Variants in NR3C2 observed in about 807,000 individuals in gnomAD.
NR3C2 encodes the protein mineralocorticoid receptor.
In NR3C2, 15 loss-of-function variants were observed where a neutral mutation model predicts 86.4. That is an observed-to-expected ratio of 0.17 (90% confidence interval 0.12 to 0.27). The LOEUF (loss-of-function observed/expected upper bound fraction) is 0.27, where lower values mean the gene tolerates loss of function less well. Ranked by LOEUF, NR3C2 falls within the 10% of genes least tolerant of loss-of-function variation. The pLI is 1.00. For synonymous variants in NR3C2, 458 were observed against 450.5 expected, an observed-to-expected ratio of 1.02 and a Z score of -0.21; for missense variants, 960 against 1,195.6, an observed-to-expected ratio of 0.80 and a Z score of 2.91.
Position 148,175,285 on chromosome 4 carries a change from G to C in NR3C2, c.2014+19461C>G, listed in dbSNP as rs147686958. Among the ~76,000 whole-genome samples the C allele has an allele frequency of 4.9e-4, 75 of 152,306 alleles. 1 individual carries two copies. In the East Asian group the frequency reaches 0.014, roughly 29 times the overall value. Reference sequence around the variant, plus strand: ...GCAACCCTTGGAGCAGCGGTTCCTAGCCCTGGTGAACTGGTGCACAACAGA... The same window carrying C: ...GCAACCCTTGGAGCAGCGGTTCCTACCCCTGGTGAACTGGTGCACAACAGA... On this transcript the variant is annotated intron_variant, in intron 4 of 8. Coordinates refer to ENST00000358102, the MANE Select transcript of NR3C2 (RefSeq NM_000901.5).
rs13137039 is a variant in NR3C2 at position 148,101,132 on chromosome 4, G to A, written c.2799+12972C>T. Among the ~76,000 whole-genome samples the A allele has an allele frequency of 4.3e-3, 660 of 152,136 alleles. 5 individuals are homozygous for A. Among genetic ancestry groups the A allele is most frequent in the Non-Finnish European group, 6.9e-3 (472 of 68,002 alleles). On this transcript the variant is annotated intron_variant, in intron 8 of 8. Transcript: ENST00000358102. ...ACACCCACACTGTACACTGAAAAAC[G>A]GTTAACATGGTACATTTTATGCTTG...
In NR3C2 at chr4:148,090,637, T is replaced by C. The variant is rs573052047; in HGVS notation, c.2800-9138A>G. On this transcript the variant is annotated intron_variant, in intron 8 of 8. Transcript: ENST00000358102. ...CACCCACATAAACATGTCCACAGCA[T>C]TGAGCATCACCCAGGAGATGCTGAG... 1.7e-3 allele frequency among the ~76,000 whole-genome samples: 265 copies of C among 152,234 alleles called. 1 individual carries two copies. The highest frequency in any genetic ancestry group is 5.8e-3 in the African/African-American group (243 of 41,556).
intron 2 of NR3C2, among the ~76,000 whole-genome samples, chr4:148,288,910 G>A (rs61760319): frequency 0.039 from 6,005 of 152,230 alleles, 375 homozygotes; most frequent in African/African-American, 0.13. Flanking sequence ...CTAAAGGAAT[G>A]TTTGGAGGCA....
At chr4:148,090,674 G>A (rs1025426954) in intron 8 of NR3C2, among the ~76,000 whole-genome samples, 2 of 152,166 alleles carry the variant, frequency 1.3e-5, no homozygotes, top group Non-Finnish European at 2.9e-5. Flanking sequence ...TAACCAGAAC[G>A]GAGAGGGGCT....
chr4:148,209,925 T>C (rs963346540), intron 3 of NR3C2, among the ~76,000 whole-genome samples: 2 of 152,226 alleles, frequency 1.3e-5, no homozygotes, highest in Non-Finnish European at 2.9e-5. Flanking sequence ...TAGGGCACCA[T>C]TGCTGCGTTT....
chr4:148,142,777 G>C (rs1733674230), intron 6 of NR3C2, among the ~76,000 whole-genome samples: 3 of 152,324 alleles, frequency 2.0e-5, no homozygotes, highest in East Asian at 3.9e-4. Flanking sequence ...TGGTATTACA[G>C]GCGTGAGCCA....
At chr4:148,276,666 G>T (rs1454883104) in intron 2 of NR3C2, among the ~76,000 whole-genome samples, 1 of 152,090 alleles carries the variant, frequency 6.6e-6, no homozygotes, top group African/African-American at 2.4e-5. Flanking sequence ...GTAAGTATGG[G>T]CAACCTCCTT....
chr4:148,118,845 A>G (rs78271495), intron 7 of NR3C2, among the ~76,000 whole-genome samples: 4,974 of 152,128 alleles, frequency 0.033, 287 homozygotes, highest in African/African-American at 0.11. Context: ...GGCCAACTCT[A>G]CAATGTTTCT....
At chr4:148,145,863 A>G (rs1244275755) in intron 6 of NR3C2, among the ~76,000 whole-genome samples, 1 of 152,208 alleles carries the variant, frequency 6.6e-6, no homozygotes, top group African/African-American at 2.4e-5. Flanking sequence ...TCTCAGGAGG[A>G]GGTTTCTCAG....
chr4:148,188,291 G>T (rs897303103), intron 4 of NR3C2, among the ~76,000 whole-genome samples: 2 of 152,094 alleles, frequency 1.3e-5, no homozygotes, highest in Admixed American at 1.3e-4. Flanking sequence ...CGTTGAATTT[G>T]TAGATTGCTT....
At chr4:148,129,278 T>C (rs1248196318) in intron 6 of NR3C2, among the ~76,000 whole-genome samples, 2 of 152,184 alleles carry the variant, frequency 1.3e-5, no homozygotes, top group Non-Finnish European at 2.9e-5. Context: ...AAAAGACAAA[T>C]ACTGCATGAT....
intron 3 of NR3C2, among the ~76,000 whole-genome samples, chr4:148,248,543 G>A (rs919167283): frequency 7.3e-5 from 11 of 150,800 alleles, no homozygotes; most frequent in East Asian, 1.9e-4. Context: ...CAGAAAGAGC[G>A]TGAAAACTAT....
At chr4:148,165,215 T>G (rs531155515) in intron 4 of NR3C2, among the ~76,000 whole-genome samples, 3 of 152,360 alleles carry the variant, frequency 2.0e-5, no homozygotes, top group African/African-American at 7.2e-5. Flanking sequence ...CTGTTCTCCC[T>G]CTAAACATTT....
At chr4:148,387,230 G>A (rs779959373) in intron 2 of NR3C2, among the ~76,000 whole-genome samples, 4 of 152,176 alleles carry the variant, frequency 2.6e-5, no homozygotes, top group Non-Finnish European at 4.4e-5. Context: ...CAAGGATCCT[G>A]GAGGTGCAGC....
intron 3 of NR3C2, among the ~76,000 whole-genome samples, chr4:148,259,417 T>C (rs565575394): frequency 1.2e-4 from 18 of 150,922 alleles, no homozygotes; most frequent in African/African-American, 4.4e-4. Context: ...TAACTGTGCA[T>C]AGTGAATCTC....
At chr4:148,304,352 T>TTTTTTTTTTTTTTTA (rs141707087) in intron 2 of NR3C2, among the ~76,000 whole-genome samples, 1 of 130,034 alleles carries the variant, frequency 7.7e-6, no homozygotes, top group African/African-American at 2.9e-5. Flanking sequence ...TTTTTTTTTT[T>TTTTTTTTTTTTTTTA]AACCAGTTGG....
chr4:148,391,664 T>G (rs908700898), intron 2 of NR3C2, among the ~76,000 whole-genome samples: 17 of 151,994 alleles, frequency 1.1e-4, no homozygotes, highest in African/African-American at 4.1e-4. Flanking sequence ...GTCAGGAGTT[T>G]GAGACCAGCC....
At chr4:148,203,314 C>G (rs1472657053) in intron 3 of NR3C2, among the ~76,000 whole-genome samples, 1 of 151,348 alleles carries the variant, frequency 6.6e-6, no homozygotes, top group African/African-American at 2.4e-5. Flanking sequence ...TGTAAGTTTC[C>G]CTATTTAAAA....
intron 5 of NR3C2, among the ~76,000 whole-genome samples, chr4:148,153,197 A>AT (rs1385896987): frequency 1.3e-5 from 2 of 149,750 alleles, no homozygotes; most frequent in Non-Finnish European, 3.0e-5. Flanking sequence ...TTATTTATTT[A>AT]TTTTTTAAGA....
Sources: gnomAD v4.1 joint callset for allele counts (sites outside exome capture counted in the v4.1 genomes callset) on GRCh38, gnomAD v4.1.1 for gene constraint, MANE v1.5 for transcripts, NCBI Gene and HGNC (gene_info 2026-07-23, HGNC 2026-07-21) for gene names.